CYTH2: variants seen among roughly 807,000 people sequenced by gnomAD.
CYTH2 encodes the protein cytohesin 2.
In CYTH2, 24 loss-of-function variants were observed where a neutral mutation model predicts 55.4. The observed-to-expected ratio is 0.43, with a 90% CI of 0.31 to 0.61. The LOEUF (loss-of-function observed/expected upper bound fraction) is 0.61. Among genes scored for constraint, CYTH2 ranks in the 20% least tolerant of loss-of-function variants. The probability of loss-of-function intolerance (pLI) is 0.08; values close to 1 mark genes in which losing one functional copy is unlikely to be tolerated. For synonymous variants in CYTH2, 221 were observed against 209.6 expected, an observed-to-expected ratio of 1.05 and a Z score of -0.47; for missense variants, 378 against 533.5, an observed-to-expected ratio of 0.71 and a Z score of 2.87.
At chr19:48,472,572 A>G in intron 4 of CYTH2, 129 bp downstream of exon 4, 1 of 810,854 alleles carries the variant, frequency 1.2e-6, no homozygotes, top group Non-Finnish European at 2.1e-6. Context: ...CTGGCAGATC[A>G]GCCTTCTGAC....
chr19:48,470,481 C>T lies in CYTH2; in HGVS notation c.148C>T (p.Leu50=). 6.2e-7 allele frequency: 1 copy of T among 1,613,886 alleles called. No individual in the cohort carries two copies. The highest frequency in any genetic ancestry group is 8.5e-7 in the Non-Finnish European group (1 of 1,179,832). The change falls in exon 2 of 12, where the codon CTG becomes TTG. Residue 50 remains leucine, a synonymous_variant. Transcript: ENST00000452733. ...LSEAMSEVEG[L]EANEGSKTLQ... is the part of the protein sequence containing the mutation. ...TGAAGCCATGAGCGAGGTGGAGGGG[C>T]TGGAGGCCAATGAGGGCAGGTGAGG...
chr19:48,476,668 G>C (rs1203182432), intron 8 of CYTH2: 2 of 152,190 alleles, frequency 1.3e-5, no homozygotes, highest in African/African-American at 2.4e-5. Flanking sequence ...TTGAGGTCAG[G>C]AGTTTGAGAC....
intron 5 of CYTH2, 169 bp from the exon 6 acceptor site, chr19:48,473,736 C>T: frequency 6.4e-6 from 4 of 621,062 alleles, no homozygotes; most frequent in Non-Finnish European, 1.1e-5. Context: ...TCACAACACT[C>T]CCGTGGCCAA....
At chr19:48,473,820 T>G (rs1209407200) in intron 5 of CYTH2, 85 bp from the exon 6 acceptor site, 11 of 1,095,300 alleles carry the variant, frequency 1.0e-5, no homozygotes, top group Non-Finnish European at 1.4e-5. Context: ...GGATTCCTCG[T>G]GGACCAGTTC....
rs11669574 is a variant in CYTH2 at position 48,471,247 on chromosome 19, C to T, written c.234+578C>T. Among the ~76,000 whole-genome samples, 1,004 of 151,890 alleles carry T rather than the reference C, an allele frequency of 6.6e-3. 7 individuals are homozygous for T. The highest frequency in any genetic ancestry group is 9.1e-3 in the Non-Finnish European group (616 of 68,012). ...TGTGATCTCGGCTCACTAACCTCCG[C>T]CTCCTGCGATTCTCCTGCCTCAGCC... On this transcript the variant is annotated intron_variant, in intron 3 of 11. Coordinates refer to ENST00000452733, the MANE Select transcript of CYTH2 (RefSeq NM_004228.7).
At chr19:48,470,269 C>T in intron 1 of CYTH2, 84 bp from the exon 2 acceptor site, 1 of 1,525,250 alleles carries the variant, frequency 6.6e-7, no homozygotes, top group Non-Finnish European at 8.8e-7. Flanking sequence ...CACATCCTCT[C>T]CCAGCTCTGT....
Position 48,473,294 on chromosome 19 carries a change from C to A in CYTH2, c.354-4C>A. 6.2e-7 allele frequency: 1 copy of A among 1,613,986 alleles called. No homozygotes were observed. The highest frequency in any genetic ancestry group is 8.5e-7 in the Non-Finnish European group (1 of 1,179,910). On this transcript the variant is annotated splice_region_variant and splice_polypyrimidine_tract_variant and intron_variant, in intron 4 of 11. Coordinates refer to ENST00000452733, the MANE Select transcript of CYTH2 (RefSeq NM_004228.7). ...CTGTATGTGTCTTTGTCCCATCCTT[C>A]CAGGGAAGAACTGAACCTGGCAGTG...
Position 48,474,888 on chromosome 19 carries a change from C to T in CYTH2, c.747C>T (p.Asp249=), listed in dbSNP as rs780533607. 6.8e-6 allele frequency: 11 copies of T among 1,614,050 alleles called. No individual in the cohort carries two copies. Among genetic ancestry groups the T allele is most frequent in the Middle Eastern group, 1.6e-4 (1 of 6,084 alleles). Residue 249 remains aspartate, a synonymous_variant, in exon 8 of 12, where the codon GAC becomes GAT. Coordinates refer to ENST00000452733, the MANE Select transcript of CYTH2 (RefSeq NM_004228.7). This position sits in a 1 kb window ranked among gnomAD's most constrained non-coding sequence, Gnocchi z 4.9. ...RNEPFKIPED[D]GNDLTHTFFN... ...AGCCCTTCAAGATTCCTGAGGATGA[C>T]GGGAATGACCTGACCCACACCTTCT... is the stretch of plus-strand genomic sequence containing the variant.
chr19:48,481,491 G>A lies in CYTH2; in HGVS notation c.*2281G>A, dbSNP rs1476245053. The A allele has an allele frequency of 6.0e-6, 1 of 166,538 alleles. No individual in the cohort carries two copies. The highest frequency in any genetic ancestry group is 1.3e-5 in the Non-Finnish European group (1 of 78,564). 10.3% of individuals were successfully genotyped at this position (166,538 alleles called of 1,614,324 possible). On this transcript the variant is annotated 3_prime_UTR_variant, in exon 12 of 12. Coordinates refer to ENST00000452733, the MANE Select transcript of CYTH2 (RefSeq NM_004228.7). The stretch of plus-strand genomic sequence containing the variant: ...AGCACGCTTCTGATTTTTTTTGTAG[G>A]TTTTTTTTTTTGTTTTTTGTTTTGT...
chr19:48,481,481 T>TC lies in CYTH2; in HGVS notation c.*2271_*2272insC. On this transcript the variant is annotated 3_prime_UTR_variant, in exon 12 of 12. Transcript: ENST00000452733. The stretch of plus-strand genomic sequence containing the variant: ...CCAAGCTCCCAGCACGCTTCTGATT[T>TC]TTTTTGTAGGTTTTTTTTTTTGTTT... 7.2e-6 allele frequency: 1 copy of TC among 138,002 alleles called. No individual in the cohort carries two copies. The highest frequency in any genetic ancestry group is 1.5e-5 in the Non-Finnish European group (1 of 65,866). 8.5% of individuals were successfully genotyped at this position (138,002 alleles called of 1,614,324 possible).
Position 48,473,443 on chromosome 19 carries a change from T to C in CYTH2, c.434+65T>C. The C allele has an allele frequency of 2.6e-6, 4 of 1,518,974 alleles. No homozygotes were observed. The Admixed American group carries it at 5.1e-5, about 19-fold the overall frequency. The allele number at this position is 1,518,974 out of a possible 1,614,324, so 94.1% of individuals were successfully genotyped here. ...CTGTCAGGGCCTTCCTAGTTACAAG[T>C]GACAAACCTTACTCAAGAAAAAAAC... On this transcript the variant is annotated intron_variant, in intron 5 of 11. Coordinates refer to ENST00000452733, the MANE Select transcript of CYTH2 (RefSeq NM_004228.7).
chr19:48,474,270 C>T lies in CYTH2; in HGVS notation c.636C>T (p.Arg212=). 3.7e-6 allele frequency: 6 copies of T among 1,613,732 alleles called. No homozygotes were observed. Among genetic ancestry groups the T allele is most frequent in the African/African-American group, 1.3e-5 (1 of 75,024 alleles). The change falls in exon 7 of 12, where the codon CGC becomes CGT. Residue 212 remains arginine (R), a synonymous_variant. Transcript: ENST00000452733. This position sits in a 1 kb window ranked among gnomAD's most constrained non-coding sequence, Gnocchi z 4.9. The part of the protein sequence containing the change: ...PNVRDKPGLE[R]FVAMNRGINE... ...TCCGGGACAAGCCGGGCCTGGAGCG[C>T]TTTGTGGCCATGAACCGGGGCATCA...
chr19:48,475,263 G>T (rs1479305134), intron 8 of CYTH2: 3 of 330,688 alleles, frequency 9.1e-6, no homozygotes, highest in African/African-American at 6.5e-5. Context: ...CGTGGGAGAA[G>T]AGTTCACTCA....
In CYTH2 at chr19:48,481,537, G is replaced by T; in HGVS notation, c.*2327G>T. 1 of 180,756 alleles carries T rather than the reference G, an allele frequency of 5.5e-6. No homozygotes were observed. Among genetic ancestry groups the T allele is most frequent in the Admixed American group, 6.0e-5 (1 of 16,586 alleles). The allele number at this position is 180,756 out of a possible 1,614,324, so 11.2% of individuals were successfully genotyped here. A position where few individuals can be genotyped will look rare whatever the true frequency, so the allele number is the denominator to read the frequency against. The stretch of plus-strand genomic sequence containing the variant: ...TTTGTTTTGTTTTGTTTTTGAGAGG[G>T]AGTCTCACTTTGTGCCCTAGACTGG... On this transcript the variant is annotated 3_prime_UTR_variant, in exon 12 of 12. Transcript: ENST00000452733.
In CYTH2 at chr19:48,469,385, G is replaced by A. The variant is rs1971733762; in HGVS notation, c.-123G>A. The A allele has an allele frequency of 8.8e-7, 1 of 1,138,366 alleles. No individual in the cohort carries two copies. The highest frequency in any genetic ancestry group is 1.1e-6 in the Non-Finnish European group (1 of 878,320). 70.5% of individuals were successfully genotyped at this position (1,138,366 alleles called of 1,614,324 possible). A position where few individuals can be genotyped will look rare whatever the true frequency, so the allele number is the denominator to read the frequency against. On this transcript the variant is annotated 5_prime_UTR_variant, in exon 1 of 12. Coordinates refer to ENST00000452733, the MANE Select transcript of CYTH2 (RefSeq NM_004228.7). ...AGTCTTTTCAGCGCTGAGGACTGGC[G>A]CTGAGGAGGCGGCGGTGGCTCCCGG...
chr19:48,474,798 C>T lies in CYTH2; in HGVS notation c.697-40C>T. On this transcript the variant is annotated intron_variant, in intron 7 of 11. Transcript: ENST00000452733. The surrounding 1 kb of genome is among the most constrained non-coding windows in gnomAD (Gnocchi z 4.9). ...CCACCCTGAGTAACCCTGGGGGGCC[C>T]CAGGGGGCTCGAATGGCTAATGCAG... 6.2e-7 allele frequency: 1 copy of T among 1,607,352 alleles called. No individual in the cohort carries two copies. Among genetic ancestry groups the T allele is most frequent in the South Asian group, 1.1e-5 (1 of 90,348 alleles).
intron 4 of CYTH2, 27 bp from the exon 5 acceptor site, chr19:48,473,271 G>GT: frequency 6.2e-7 from 1 of 1,613,062 alleles, no homozygotes; most frequent in South Asian, 1.1e-5. Flanking sequence ...TTTCCAAACT[G>GT]TATGTGTCTT....
At position 48,474,752 on chromosome 19, in the gene CYTH2, C is replaced by A; in HGVS notation, c.697-86C>A. The A allele has an allele frequency of 8.8e-7, 1 of 1,135,060 alleles. No homozygotes were observed. Among genetic ancestry groups the A allele is most frequent in the South Asian group, 1.2e-5 (1 of 80,148 alleles). The allele number at this position is 1,135,060 out of a possible 1,614,324, so 70.3% of individuals were successfully genotyped here. ...CTCTCTTCCCCACTATGAGTCATCC[C>A]ATCCCTGGTCTCGCTGCCCCCCACC... is the stretch of plus-strand genomic sequence containing the variant. On this transcript the variant is annotated intron_variant, in intron 7 of 11. Transcript: ENST00000452733. The surrounding 1 kb of genome is among the most constrained non-coding windows in gnomAD (Gnocchi z 4.9).
At chr19:48,473,691 C>T (rs1486959714) in intron 5 of CYTH2, 20 of 599,472 alleles carry the variant, frequency 3.3e-5, no homozygotes, top group Non-Finnish European at 4.4e-5. Context: ...ACCTGTCTAG[C>T]GAACTTAGCA....
Sources: allele counts gnomAD v4.1 joint callset (sites outside exome capture counted in the v4.1 genomes callset), GRCh38; gene constraint gnomAD v4.1.1; non-coding constraint Gnocchi (gnomAD v3.1); transcripts MANE v1.5; gene names NCBI Gene and HGNC (gene_info 2026-07-23, HGNC 2026-07-21).